The following CSMD2 variants were observed in gnomAD, a reference collection of about 807,000 sequenced individuals.
CSMD2 encodes CUB and sushi domain-containing protein 2.
CSMD2 carries 130 observed loss-of-function variants against 398.5 expected under a neutral mutation model. The observed-to-expected ratio is 0.33, with a 90% CI of 0.28 to 0.38. The LOEUF is 0.38. Ranked by LOEUF, CSMD2 falls within the 10% of genes least tolerant of loss-of-function variation. The pLI, the probability that CSMD2 is intolerant of heterozygous loss-of-function variation, is 1.00. For synonymous variants in CSMD2, 1,828 were observed against 1,908.5 expected, an observed-to-expected ratio of 0.96 and a Z score of 1.10; for missense variants, 3,829 against 4,764.9, an observed-to-expected ratio of 0.80 and a Z score of 5.78.
intron 26 of CSMD2, 45 bp from the exon 27 acceptor site, chr1:33,658,182 T>A: frequency 6.4e-7 from 1 of 1,552,468 alleles, no homozygotes; most frequent in Non-Finnish European, 8.8e-7. Context: ...CCTGGGTGTC[T>A]GCCACTCAGG....
intron 10 of CSMD2, among the ~76,000 whole-genome samples, chr1:33,798,294 C>T (rs1051101889): frequency 6.6e-6 from 1 of 152,214 alleles, no homozygotes; most frequent in Non-Finnish European, 1.5e-5. Context: ...AATGAATAAA[C>T]AAACCCATCA....
At chr1:34,097,320 C>T (rs1659433954) in intron 1 of CSMD2, among the ~76,000 whole-genome samples, 1 of 143,636 alleles carries the variant, frequency 7.0e-6, no homozygotes, top group Admixed American at 7.0e-5. Context: ...TAGAAGAAAA[C>T]CTAGGCATTA....
intron 32 of CSMD2, among the ~76,000 whole-genome samples, chr1:33,629,896 C>T (rs1026340415): frequency 5.3e-5 from 8 of 152,038 alleles, no homozygotes; most frequent in African/African-American, 1.9e-4. Context: ...GCACCCACGA[C>T]CATGCCCAGT....
intron 1 of CSMD2, among the ~76,000 whole-genome samples, chr1:34,134,079 T>C (rs920271667): frequency 2.0e-5 from 2 of 100,280 alleles, no homozygotes; most frequent in Non-Finnish European, 4.0e-5. Flanking sequence ...AAAAAAAAAA[T>C]ACTGAGCAGC....
At chr1:33,685,384 C>A (rs970636176) in intron 25 of CSMD2, among the ~76,000 whole-genome samples, 7 of 152,330 alleles carry the variant, frequency 4.6e-5, no homozygotes, top group South Asian at 2.1e-4. Flanking sequence ...AATACTGAGA[C>A]CTTCAAGGGG....
At chr1:33,581,529 C>CAAAAAAAAAAAAAAAAA (rs59068586) in intron 47 of CSMD2, among the ~76,000 whole-genome samples, 3 of 36,878 alleles carry the variant, frequency 8.1e-5, no homozygotes, top group Non-Finnish European at 1.5e-4. Flanking sequence ...GACTCAGTCT[C>CAAAAAAAAAAAAAAAAA]AAAAAAAAAA....
intron 5 of CSMD2, among the ~76,000 whole-genome samples, chr1:33,887,798 A>C (rs1245656861): frequency 6.6e-6 from 1 of 152,300 alleles, no homozygotes. Flanking sequence ...AAAAGCATCC[A>C]TGTGGGAAAG....
At chr1:34,114,656 C>A (rs1351931201) in intron 1 of CSMD2, among the ~76,000 whole-genome samples, 1 of 152,056 alleles carries the variant, frequency 6.6e-6, no homozygotes, top group Non-Finnish European at 1.5e-5. Flanking sequence ...TATTATCACA[C>A]CACTCCATTC....
chr1:33,562,544 A>T (rs1167337109), intron 53 of CSMD2, among the ~76,000 whole-genome samples: 1 of 152,186 alleles, frequency 6.6e-6, no homozygotes, highest in Non-Finnish European at 1.5e-5. Flanking sequence ...GGAGAGGTGG[A>T]GGCAATTAGT....
intron 29 of CSMD2, among the ~76,000 whole-genome samples, chr1:33,637,542 C>G (rs1160542649): frequency 6.6e-6 from 1 of 152,212 alleles, no homozygotes; most frequent in Non-Finnish European, 1.5e-5. Context: ...TGAGCAGCAA[C>G]TGGGAGCCCA....
intron 55 of CSMD2, among the ~76,000 whole-genome samples, chr1:33,557,056 A>G (rs28690749): frequency 1.3e-5 from 2 of 152,188 alleles, no homozygotes; most frequent in Non-Finnish European, 2.9e-5. Context: ...TTAAAAAACC[A>G]GTTGTCCCCA....
intron 65 of CSMD2, 118 bp downstream of exon 65, chr1:33,527,078 A>G (rs1290596641): frequency 1.1e-6 from 1 of 915,470 alleles, no homozygotes; most frequent in Non-Finnish European, 1.8e-6. Flanking sequence ...AGATTTATAG[A>G]TAGTTTTCAT....
chr1:33,764,528 G>A (rs1650240997), intron 13 of CSMD2, among the ~76,000 whole-genome samples: 1 of 152,200 alleles, frequency 6.6e-6, no homozygotes, highest in Admixed American at 6.5e-5. Context: ...ATAACAGAGG[G>A]AGGGAGACCT....
intron 59 of CSMD2, 27 bp from the exon 60 acceptor site, chr1:33,540,725 T>G (rs1359297349): frequency 6.2e-7 from 1 of 1,613,164 alleles, no homozygotes; most frequent in Admixed American, 1.7e-5. Context: ...GCAGGCTGAG[T>G]TCTGATGCTG....
Position 33,690,624 on chromosome 1 carries a change from T to C in CSMD2, c.4052+2306A>G, listed in dbSNP as rs111781062. Among the ~76,000 whole-genome samples the C allele has an allele frequency of 6.5e-4, 99 of 152,312 alleles. 2 individuals carry two copies. The highest frequency in any genetic ancestry group is 1.8e-3 in the African/African-American group (74 of 41,568). ...GAAGAAAGTGGGAAAACCTCTTGAT[T>C]TGCACATGTGTATACTAAAGTGAAA... is the stretch of plus-strand genomic sequence containing the variant. On this transcript the variant is annotated intron_variant, in intron 25 of 70. Coordinates refer to ENST00000373381, the MANE Select transcript of CSMD2 (RefSeq NM_001281956.2).
chr1:33,903,660 C>T (rs1029100401), intron 5 of CSMD2, among the ~76,000 whole-genome samples: 6 of 152,018 alleles, frequency 3.9e-5, no homozygotes, highest in Admixed American at 3.3e-4. Context: ...GGGCTTGTCA[C>T]GGTTCTGCTG....
chr1:33,764,323 A>G (rs1486100305), intron 13 of CSMD2, among the ~76,000 whole-genome samples: 1 of 152,068 alleles, frequency 6.6e-6, no homozygotes. Flanking sequence ...CTTCATAGCT[A>G]TGACTAGTGC....
At chr1:34,037,463 G>A (rs1651290459) in intron 2 of CSMD2, among the ~76,000 whole-genome samples, 1 of 151,238 alleles carries the variant, frequency 6.6e-6, no homozygotes, top group African/African-American at 2.5e-5. Context: ...GTGACAGACT[G>A]ACATCATCCC....
In CSMD2 at chr1:33,614,555, A is replaced by G; in HGVS notation, c.6082T>C (p.Tyr2028His). 2 of 1,612,894 alleles carry G rather than the reference A, an allele frequency of 1.2e-6. No individual in the cohort carries two copies. The highest frequency in any genetic ancestry group is 1.7e-6 in the Non-Finnish European group (2 of 1,179,254). Residue 2028 changes from tyrosine to histidine, a missense_variant, in exon 40 of 71, where the codon TAC becomes CAC. Coordinates refer to ENST00000373381, the MANE Select transcript of CSMD2 (RefSeq NM_001281956.2). Reference sequence around the variant, plus strand: ...CAGGAGCAGTCCATGTTACTGGGGTAGTTGCCTGGGAAGCCGGGGCTCAGG... The same window carrying G: ...CAGGAGCAGTCCATGTTACTGGGGTGGTTGCCTGGGAAGCCGGGGCTCAGG... ...VILSPGFPGN[Y>H]PSNMDCSWKI...
Sources: allele counts gnomAD v4.1 joint callset (sites outside exome capture counted in the v4.1 genomes callset), GRCh38; gene constraint gnomAD v4.1.1; transcripts MANE v1.5; gene names NCBI Gene and HGNC (gene_info 2026-07-23, HGNC 2026-07-21).